SUPT7L: variants seen among roughly 807,000 people sequenced by gnomAD.
SUPT7L encodes the protein SPT7 like, STAGA complex subunit gamma.
A neutral mutation model predicts 35.7 loss-of-function variants in SUPT7L; 15 were observed. That is an observed-to-expected ratio of 0.42 (90% CI 0.28 to 0.65). The LOEUF (loss-of-function observed/expected upper bound fraction) is 0.65, where lower values mean the gene tolerates loss of function less well. Among genes scored for constraint, SUPT7L ranks in the 30% least tolerant of loss-of-function variants. The pLI is 0.23. For missense variants in SUPT7L, 434 were observed against 522.2 expected, an observed-to-expected ratio of 0.83 and a Z score of 1.65; for synonymous variants, 168 against 186.2, an observed-to-expected ratio of 0.90 and a Z score of 0.79.
At chr2:27,660,234 C>CTT (rs745426039) in intron 3 of SUPT7L, among the ~76,000 whole-genome samples, 14 of 144,652 alleles carry the variant, frequency 9.7e-5, no homozygotes, top group African/African-American at 2.5e-4. Flanking sequence ...ATTATTATTT[C>CTT]TTTTTTTTTT....
intron 5 of SUPT7L, among the ~76,000 whole-genome samples, chr2:27,654,815 C>T (rs577304837): frequency 1.3e-5 from 2 of 152,306 alleles, no homozygotes; most frequent in East Asian, 3.9e-4. Flanking sequence ...ATTCGCCCGC[C>T]TCAGCCTCCC....
the SUPT7L span, among the ~76,000 whole-genome samples, chr2:27,644,322 A>G: frequency 6.6e-6 from 1 of 152,226 alleles, no homozygotes; most frequent in African/African-American, 2.4e-5. Flanking sequence ...ATCCATTGAT[A>G]TAATAGGAAT....
intron 4 of SUPT7L, among the ~76,000 whole-genome samples, chr2:27,656,155 A>G (rs1359850042): frequency 6.6e-6 from 1 of 152,182 alleles, no homozygotes; most frequent in African/African-American, 2.4e-5. Flanking sequence ...ACCCTGTCTA[A>G]AAAAAGGGAA....
chr2:27,653,200 C>G lies in SUPT7L; in HGVS notation c.*285G>C, dbSNP rs1674637297. 1 of 426,702 alleles carries G rather than the reference C, an allele frequency of 2.3e-6. No homozygotes were observed. The highest frequency in any genetic ancestry group is 4.3e-6 in the Non-Finnish European group (1 of 232,684). 26.4% of individuals were successfully genotyped at this position (426,702 alleles called of 1,614,324 possible). On this transcript the variant is annotated 3_prime_UTR_variant, in exon 6 of 6. Transcript: ENST00000337768. ...CAAGATAAATGGCTGTATAACATGTCTAGTCATAGTTAAGACAACAATTGG... is the reference window on the plus strand; with the variant it reads ...CAAGATAAATGGCTGTATAACATGTGTAGTCATAGTTAAGACAACAATTGG...
intron 5 of SUPT7L, 86 bp downstream of exon 5, chr2:27,655,279 A>G: frequency 4.0e-6 from 5 of 1,234,750 alleles, no homozygotes; most frequent in Non-Finnish European, 5.6e-6. Flanking sequence ...TTGTTCTTCT[A>G]CCTCTTGAGC....
intron 3 of SUPT7L, among the ~76,000 whole-genome samples, chr2:27,659,090 T>A (rs1371629211): frequency 6.6e-6 from 1 of 152,220 alleles, no homozygotes; most frequent in African/African-American, 2.4e-5. Context: ...GCCCTCAATA[T>A]GTGAATACAG....
Position 27,660,918 on chromosome 2 carries a change from T to C in SUPT7L, c.419+66A>G, listed in dbSNP as rs1675068502. 5.9e-6 allele frequency: 9 copies of C among 1,514,762 alleles called. No individual in the cohort carries two copies. In the South Asian group the frequency reaches 7.8e-5, roughly 13 times the overall value. 93.8% of individuals were successfully genotyped at this position (1,514,762 alleles called of 1,614,324 possible). A position where few individuals can be genotyped will look rare whatever the true frequency, so the allele number is the denominator to read the frequency against. ...TCGCATGAAAATGGAAATGCTATTA[T>C]AGGCTTAACAGGGTTGTTGGGAAGA... is the stretch of plus-strand genomic sequence containing the variant. On this transcript the variant is annotated intron_variant, in intron 3 of 5. Transcript: ENST00000337768.
chr2:27,660,915 T>C, intron 3 of SUPT7L, 69 bp downstream of exon 3: 2 of 1,507,990 alleles, frequency 1.3e-6, no homozygotes, highest in Non-Finnish European at 8.9e-7. Flanking sequence ...GGAAATGCTA[T>C]TATAGGCTTA....
intron 2 of SUPT7L, chr2:27,661,639 G>A (rs1675115158): frequency 7.4e-7 from 1 of 1,348,668 alleles, no homozygotes; most frequent in African/African-American, 1.5e-5. Context: ...TTAGATGCTG[G>A]TTATTGTCAT....
chr2:27,646,017 A>G (rs1014867872), downstream of SUPT7L, among the ~76,000 whole-genome samples: 14 of 151,690 alleles, frequency 9.2e-5, no homozygotes, highest in Admixed American at 6.6e-5. Flanking sequence ...GGTGTGAACC[A>G]CTGTACCCAG....
Position 27,660,530 on chromosome 2 carries a change from A to T in SUPT7L, c.419+454T>A, listed in dbSNP as rs183595942. Among the ~76,000 whole-genome samples, 833 of 152,244 alleles carry T rather than the reference A, an allele frequency of 5.5e-3. 5 individuals are homozygous for T. The highest frequency in any genetic ancestry group is 0.014 in the Middle Eastern group (4 of 294). The stretch of plus-strand genomic sequence containing the variant: ...TGAACCACTGTGCTCAGCTTATATT[A>T]TTATTTCTTGAACTATGTTATCAAA... On this transcript the variant is annotated intron_variant, in intron 3 of 5. Coordinates refer to ENST00000337768, the MANE Select transcript of SUPT7L (RefSeq NM_014860.3).
chr2:27,650,633 C>T (rs1268595461), downstream of SUPT7L: 1 of 153,890 alleles, frequency 6.5e-6, no homozygotes, highest in Non-Finnish European at 1.5e-5. Flanking sequence ...TGTAAGTTGC[C>T]CTTCTATTAG....
rs1674514448 is a variant in SUPT7L, at chr2:27,651,054, A to AAAGT, written c.*2427_*2430dup. On this transcript the variant is annotated 3_prime_UTR_variant, in exon 6 of 6. Transcript: ENST00000337768. ...TTGTATTGTACTCTGAACTTAATGC[A>AAAGT]AAGTCTCCTTGGTGATTTTCGCAAA... is the stretch of plus-strand genomic sequence containing the variant. The AAAGT allele has an allele frequency of 6.6e-6, 1 of 152,376 alleles. No individual in the cohort carries two copies. Among genetic ancestry groups the AAAGT allele is most frequent in the African/African-American group, 2.4e-5 (1 of 41,464 alleles). 9.4% of individuals were successfully genotyped at this position (152,376 alleles called of 1,614,324 possible).
the SUPT7L span, among the ~76,000 whole-genome samples, chr2:27,645,436 A>T: frequency 6.6e-6 from 1 of 152,192 alleles, no homozygotes; most frequent in Non-Finnish European, 1.5e-5. Flanking sequence ...TGAACTGAGT[A>T]TCAACTTTAT....
chr2:27,655,412 T>G lies in SUPT7L; in HGVS notation c.935A>C (p.Glu312Ala). Residue 312 changes from glutamate to alanine, a missense_variant, in exon 5 of 6, where the codon GAA (glutamate) becomes GCA (alanine). Glu to Ala is a moderately radical substitution (Grantham distance 107). Coordinates refer to ENST00000337768, the MANE Select transcript of SUPT7L (RefSeq NM_014860.3). ...LPMGVLGAQS[E>A]RFPSNLEVEA... ...AACCTCCAGGTTAGATGGGAAGCGT[T>G]CGCTCTGAGCCCCAAGCACTCCCAT... 6.2e-7 allele frequency: 1 copy of G among 1,609,506 alleles called. No individual in the cohort carries two copies. Among genetic ancestry groups the G allele is most frequent in the Non-Finnish European group, 8.5e-7 (1 of 1,178,206 alleles).
chr2:27,661,844 G>T, intron 2 of SUPT7L: 1 of 412,820 alleles, frequency 2.4e-6, no homozygotes, highest in Non-Finnish European at 4.4e-6. Flanking sequence ...ATCTGTGCTG[G>T]ATCAATAGGA....
chr2:27,651,567 T>C lies in SUPT7L; in HGVS notation c.*1918A>G, dbSNP rs1481670998. On this transcript the variant is annotated 3_prime_UTR_variant, in exon 6 of 6. Coordinates refer to ENST00000337768, the MANE Select transcript of SUPT7L (RefSeq NM_014860.3). ...CCACTGGTCTCAAAATTTGAAGCTA[T>C]TCTTTAAGAGGAGAACATTCGCAAA... The C allele has an allele frequency of 6.6e-6, 1 of 152,276 alleles. No individual in the cohort carries two copies. Among genetic ancestry groups the C allele is most frequent in the Non-Finnish European group, 1.5e-5 (1 of 68,048 alleles). The allele number at this position is 152,276 out of a possible 1,614,324, so 9.4% of individuals were successfully genotyped here.
downstream of SUPT7L, among the ~76,000 whole-genome samples, chr2:27,646,042 ATG>A (rs1260281376): frequency 5.5e-5 from 8 of 146,152 alleles, no homozygotes; most frequent in Admixed American, 5.5e-4. Context: ...AAATTTATGT[ATG>A]TATGTATTTA....
In SUPT7L at chr2:27,652,869, T is replaced by G. The variant is rs1409864826; in HGVS notation, c.*616A>C. 1 of 153,178 alleles carries G rather than the reference T, an allele frequency of 6.5e-6. No individual in the cohort carries two copies. Among genetic ancestry groups the G allele is most frequent in the Non-Finnish European group, 1.5e-5 (1 of 68,594 alleles). 9.5% of individuals were successfully genotyped at this position (153,178 alleles called of 1,614,324 possible). A position where few individuals can be genotyped will look rare whatever the true frequency, so the allele number is the denominator to read the frequency against. ...TAGAGAAGAAAATAAATGGATGAGA[T>G]AGAGAGCTGTCTAAGCAAAAAAGGT... is the stretch of plus-strand genomic sequence containing the variant. On this transcript the variant is annotated 3_prime_UTR_variant, in exon 6 of 6. Transcript: ENST00000337768.
Sources: allele counts gnomAD v4.1 joint callset (sites outside exome capture counted in the v4.1 genomes callset), GRCh38; gene constraint gnomAD v4.1.1; transcripts MANE v1.5; gene names NCBI Gene and HGNC (gene_info 2026-07-23, HGNC 2026-07-21).